MDGA2: variants seen among roughly 807,000 people sequenced by gnomAD.
MDGA2 encodes the protein MAM domain containing glycosylphosphatidylinositol anchor 2, also known as MAM domain-containing glycosylphosphatidylinositol anchor protein 2.
MDGA2 carries 40 observed loss-of-function variants against 117.8 expected under a neutral mutation model. That is an observed-to-expected ratio of 0.34 (90% CI 0.26 to 0.44). The LOEUF (loss-of-function observed/expected upper bound fraction) is 0.44, where lower values mean the gene tolerates loss of function less well. MDGA2 is among the 20% of genes least tolerant of loss of function. The probability of loss-of-function intolerance (pLI) is 1.00; values close to 1 mark genes in which losing one functional copy is unlikely to be tolerated. For missense variants in MDGA2, 1,123 were observed against 1,250.6 expected, an observed-to-expected ratio of 0.90 and a Z score of 1.54; for synonymous variants, 452 against 439.0, an observed-to-expected ratio of 1.03 and a Z score of -0.37.
At chr14:47,282,757 T>A (rs542806787) in intron 2 of MDGA2, among the ~76,000 whole-genome samples, 79 of 151,246 alleles carry the variant, frequency 5.2e-4, no homozygotes, top group African/African-American at 1.9e-3. Flanking sequence ...CAACCTGTCA[T>A]CTTTTTAAAA....
chr14:47,639,475 C>T (rs1234982136), intron 1 of MDGA2, among the ~76,000 whole-genome samples: 2 of 152,056 alleles, frequency 1.3e-5, no homozygotes, highest in African/African-American at 4.8e-5. Flanking sequence ...AATGAGCCCT[C>T]CTTGCTTTTA....
At chr14:47,347,960 G>A (rs1203240652) in intron 1 of MDGA2, among the ~76,000 whole-genome samples, 2 of 152,060 alleles carry the variant, frequency 1.3e-5, no homozygotes, top group Non-Finnish European at 2.9e-5. Context: ...ATTGAGAAAG[G>A]TCCCAGGAAG....
chr14:47,551,858 T>C (rs1031003348), intron 1 of MDGA2, among the ~76,000 whole-genome samples: 2 of 152,126 alleles, frequency 1.3e-5, no homozygotes, highest in South Asian at 2.1e-4. Context: ...GTAGATCTTA[T>C]CTTTATTATT....
chr14:47,519,183 C>T (rs142960612), intron 1 of MDGA2, among the ~76,000 whole-genome samples: 3 of 151,996 alleles, frequency 2.0e-5, no homozygotes, highest in Admixed American at 6.6e-5. Flanking sequence ...CCAGCTTGGG[C>T]GATAGAGCAA....
intron 2 of MDGA2, among the ~76,000 whole-genome samples, chr14:47,226,380 C>T (rs988195714): frequency 6.6e-6 from 1 of 151,876 alleles, no homozygotes; most frequent in Non-Finnish European, 1.5e-5. Flanking sequence ...AATAGCGGGG[C>T]GAGGACATAA....
intron 1 of MDGA2, chr14:47,444,306 C>G (rs17118680): frequency 6.3e-6 from 1 of 157,618 alleles, no homozygotes; most frequent in African/African-American, 2.4e-5. Flanking sequence ...CTGAGGGATT[C>G]GCAGCTCTTT....
intron 2 of MDGA2, among the ~76,000 whole-genome samples, chr14:47,282,701 A>C (rs573467237): frequency 4.5e-4 from 68 of 150,870 alleles, no homozygotes; most frequent in South Asian, 1.5e-3. Flanking sequence ...TGTCTCAAAA[A>C]AAAAAACAAA....
At chr14:47,341,932 C>G (rs946532167) in intron 1 of MDGA2, among the ~76,000 whole-genome samples, 1 of 151,968 alleles carries the variant, frequency 6.6e-6, no homozygotes, top group Non-Finnish European at 1.5e-5. Context: ...TCTGACCTCC[C>G]GGGTTCAGGC....
At chr14:47,221,836 T>C (rs1178540837) in intron 2 of MDGA2, among the ~76,000 whole-genome samples, 1 of 151,864 alleles carries the variant, frequency 6.6e-6, no homozygotes, top group East Asian at 1.9e-4. Flanking sequence ...AATTGGCAAA[T>C]ATATATATGT....
intron 9 of MDGA2, among the ~76,000 whole-genome samples, chr14:46,948,142 G>A (rs368220642): frequency 1.3e-3 from 190 of 151,778 alleles, no homozygotes; most frequent in African/African-American, 4.4e-3. Flanking sequence ...TCTTCATCAT[G>A]TTTCTTATAT....
chr14:47,053,464 C>A (rs899237175), intron 7 of MDGA2, among the ~76,000 whole-genome samples: 2 of 151,478 alleles, frequency 1.3e-5, no homozygotes, highest in African/African-American at 4.8e-5. Context: ...CTTTATGTGA[C>A]ATTACTGTAT....
chr14:47,050,783 G>T (rs1286902179), intron 7 of MDGA2, among the ~76,000 whole-genome samples: 1 of 151,960 alleles, frequency 6.6e-6, no homozygotes. Context: ...CTTCCATGGT[G>T]AAATAAATAC....
chr14:46,956,984 T>C (rs1274268001), intron 9 of MDGA2, among the ~76,000 whole-genome samples: 1 of 152,174 alleles, frequency 6.6e-6, no homozygotes, highest in Non-Finnish European at 1.5e-5. Context: ...CCTTTTGCCA[T>C]GACTGTAAGT....
intron 4 of MDGA2, among the ~76,000 whole-genome samples, chr14:47,136,292 G>T (rs1882452717): frequency 6.6e-6 from 1 of 151,366 alleles, no homozygotes; most frequent in Non-Finnish European, 1.5e-5. Flanking sequence ...CTGCCTCCAG[G>T]TTCAAGCGAT....
intron 1 of MDGA2, among the ~76,000 whole-genome samples, chr14:47,545,982 T>A (rs1895455189): frequency 6.6e-6 from 1 of 152,196 alleles, no homozygotes; most frequent in South Asian, 2.1e-4. Context: ...ATTTAGATGC[T>A]TTAAGCAGAA....
intron 1 of MDGA2, among the ~76,000 whole-genome samples, chr14:47,480,283 T>A (rs1220490143): frequency 6.6e-6 from 1 of 152,062 alleles, no homozygotes; most frequent in African/African-American, 2.4e-5. Flanking sequence ...AAGAACTGCA[T>A]AATGTTAAAA....
intron 1 of MDGA2, among the ~76,000 whole-genome samples, chr14:47,376,990 A>G (rs1471809847): frequency 6.6e-6 from 1 of 152,218 alleles, no homozygotes; most frequent in African/African-American, 2.4e-5. Flanking sequence ...TTGTTAAAGA[A>G]AAGGTTAAAT....
intron 2 of MDGA2, among the ~76,000 whole-genome samples, chr14:47,265,193 A>G (rs1394797583): frequency 1.3e-5 from 2 of 152,182 alleles, no homozygotes; most frequent in Admixed American, 1.3e-4. Flanking sequence ...TTTCCATCAT[A>G]TGGATTCAGT....
At chr14:46,881,161 T>G (rs1882444372) in intron 11 of MDGA2, among the ~76,000 whole-genome samples, 1 of 152,072 alleles carries the variant, frequency 6.6e-6, no homozygotes, top group South Asian at 2.1e-4. Flanking sequence ...GGTACATTTA[T>G]GCAATGGAGA....
Sources: allele counts gnomAD v4.1 joint callset (sites outside exome capture counted in the v4.1 genomes callset), GRCh38; gene constraint gnomAD v4.1.1; transcripts MANE v1.5; gene names NCBI Gene and HGNC (gene_info 2026-07-23, HGNC 2026-07-21).